CACNA1B: variants seen among roughly 807,000 people sequenced by gnomAD.
CACNA1B encodes voltage-dependent N-type calcium channel subunit alpha-1B.
Under a neutral mutation model 247.2 loss-of-function variants are expected in CACNA1B, and 70 were observed. The observed-to-expected ratio is 0.28, with a 90% CI of 0.23 to 0.35. The LOEUF (loss-of-function observed/expected upper bound fraction) is 0.35. CACNA1B is among the 10% of genes least tolerant of loss of function. CACNA1B has a pLI of 1.00. For synonymous variants in CACNA1B, 1,231 were observed against 1,294.4 expected, an observed-to-expected ratio of 0.95 and a Z score of 1.05; for missense variants, 2,367 against 3,197.4, an observed-to-expected ratio of 0.74 and a Z score of 6.26.
rs768216648 is a variant in CACNA1B, at chr9:138,068,633, T to TA, written c.4669-1124dup. On this transcript the variant is annotated intron_variant, in intron 31 of 46. Coordinates refer to ENST00000371372, the MANE Select transcript of CACNA1B (RefSeq NM_000718.4). ...GAAACAGAAATCTTTATTCATCAAATACAGTGATGGAAACATTGAGCTCCC... is the reference window on the plus strand; with the variant it reads ...GAAACAGAAATCTTTATTCATCAAATAACAGTGATGGAAACATTGAGCTCCC... 23 of 518,816 alleles carry TA rather than the reference T, an allele frequency of 4.4e-5. No individual in the cohort carries two copies. The East Asian group carries it at 9.3e-4, about 21-fold the overall frequency. The allele number at this position is 518,816 out of a possible 1,614,324, so 32.1% of individuals were successfully genotyped here.
chr9:137,956,699 G>C, intron 8 of CACNA1B, 72 bp from the exon 9 acceptor site: 1 of 1,259,084 alleles, frequency 7.9e-7, no homozygotes, highest in South Asian at 1.3e-5. Context: ...CTTCCAGACA[G>C]AGATGTGCCT....
Position 138,025,065 on chromosome 9 carries a change from A to G in CACNA1B, c.3179A>G (p.Asn1060Ser). ...GAGGAACAGCCAGAGGATGCAGACA[A>G]TCAGCGGAACGTCACTCGCATGGGC... ...KVEEQPEDAD[N>S]QRNVTRMGSQ... The change falls in exon 20 of 47, where the codon AAT (asparagine) becomes AGT (serine). Residue 1060 changes from asparagine to serine, a missense_variant. Physicochemically the swap from Asn to Ser is conservative, Grantham distance 46. Transcript: ENST00000371372. 6.2e-7 allele frequency: 1 copy of G among 1,612,748 alleles called. No homozygotes were observed. Among genetic ancestry groups the G allele is most frequent in the East Asian group, 2.2e-5 (1 of 44,844 alleles).
rs753876739 is a variant in CACNA1B, at chr9:138,121,959, G to A, written c.6980G>A (p.Arg2327Gln). The change falls in exon 47 of 47, where the codon CGG becomes CAG. Residue 2327 changes from arginine (R) to glutamine (Q), a missense_variant. Physicochemically the swap from Arg to Gln is conservative, Grantham distance 43. This residue lies in a region of CACNA1B where 773 missense variants were observed against 779.4 expected (regional missense o/e 0.99). Coordinates refer to ENST00000371372, the MANE Select transcript of CACNA1B (RefSeq NM_000718.4). The surrounding 1 kb of genome is among the most constrained non-coding windows in gnomAD (Gnocchi z 6.8). ...TLGLSSGGRA[R>Q]HSYHHPDQDH... The stretch of plus-strand genomic sequence containing the variant: ...GGACTCAGCTCGGGTGGCCGAGCAC[G>A]GCACAGCTACCACCACCCTGACCAA... 1.7e-5 allele frequency: 27 copies of A among 1,602,958 alleles called. No individual in the cohort carries two copies. Among genetic ancestry groups the A allele is most frequent in the Admixed American group, 3.3e-5 (2 of 60,014 alleles).
At chr9:138,053,738 C>A (rs949292984) in intron 25 of CACNA1B, 108 bp from the exon 26 acceptor site, 7 of 845,930 alleles carry the variant, frequency 8.3e-6, no homozygotes, top group Non-Finnish European at 1.4e-5. Context: ...GGCTTCACCC[C>A]CTCATCGTGG....
rs375440327 is a variant in CACNA1B at position 138,118,077 on chromosome 9, C to T, written c.5909C>T (p.Ala1970Val). ...GAGATCCCTGTGGGGCGGTCAGGAGCACTGGTGAGCACTCCCGGGGGCTAG... is the reference window on the plus strand; with the variant it reads ...GAGATCCCTGTGGGGCGGTCAGGAGTACTGGTGAGCACTCCCGGGGGCTAG... ...STEIPVGRSGALAVDVQMQSI... is the reference protein window; with the variant it reads ...STEIPVGRSGVLAVDVQMQSI... The change falls in exon 43 of 47, where the codon GCA becomes GTA. Residue 1970 changes from alanine to valine, a missense_variant. Physicochemically the swap from Ala to Val is moderately conservative, Grantham distance 64 (BLOSUM62 0). Transcript: ENST00000371372. The T allele has an allele frequency of 5.1e-6, 8 of 1,564,044 alleles. No homozygotes were observed. Among genetic ancestry groups the T allele is most frequent in the African/African-American group, 2.9e-5 (2 of 68,888 alleles).
At chr9:138,017,766 C>T (rs1958811603) in intron 18 of CACNA1B, among the ~76,000 whole-genome samples, 1 of 152,224 alleles carries the variant, frequency 6.6e-6, no homozygotes, top group Non-Finnish European at 1.5e-5. Flanking sequence ...CCAGGGTGGC[C>T]CTCCAGGGAG....
intron 15 of CACNA1B, among the ~76,000 whole-genome samples, chr9:137,987,289 C>T (rs886801621): frequency 6.6e-6 from 1 of 152,132 alleles, no homozygotes; most frequent in Admixed American, 6.5e-5. Context: ...AACTACCCCC[C>T]TCAGCTCCTC....
intron 21 of CACNA1B, among the ~76,000 whole-genome samples, chr9:138,044,831 C>G (rs1959169665): frequency 6.6e-6 from 1 of 152,254 alleles, no homozygotes; most frequent in Non-Finnish European, 1.5e-5. Context: ...TCCCTGCCTC[C>G]TCCCCCCAGT....
chr9:138,081,707 A>G (rs1044755049), intron 36 of CACNA1B, among the ~76,000 whole-genome samples: 1 of 151,210 alleles, frequency 6.6e-6, no homozygotes, highest in Non-Finnish European at 1.5e-5. Flanking sequence ...TATTATTACA[A>G]TGAAGAAATG....
chr9:138,013,233 C>T lies in CACNA1B; in HGVS notation c.2265C>T (p.Ala755=), dbSNP rs199522980. The T allele has an allele frequency of 5.6e-5, 89 of 1,587,334 alleles. No homozygotes were observed. Among genetic ancestry groups the T allele is most frequent in the East Asian group, 2.7e-4 (12 of 44,410 alleles). ...SPMSAANISI[A]ARQQNSAKAR... Reference sequence around the variant, plus strand: ...TGTCTGCCGCGAACATCTCCATCGCCGCGTAAGGCTCCTAGGAGTGGATTG... The same window carrying T: ...TGTCTGCCGCGAACATCTCCATCGCTGCGTAAGGCTCCTAGGAGTGGATTG... The change falls in exon 18 of 47, where the codon GCC becomes GCT. Residue 755 remains alanine (A), a splice_region_variant and synonymous_variant. Transcript: ENST00000371372.
intron 3 of CACNA1B, among the ~76,000 whole-genome samples, chr9:137,905,993 A>G (rs938536969): frequency 6.6e-6 from 1 of 152,174 alleles, no homozygotes; most frequent in African/African-American, 2.4e-5. Context: ...ATACTAGTGG[A>G]CTATGGCAAG....
At chr9:138,077,459 A>G (rs1036279712) in intron 35 of CACNA1B, among the ~76,000 whole-genome samples, 3 of 152,170 alleles carry the variant, frequency 2.0e-5, no homozygotes, top group Non-Finnish European at 4.4e-5. Flanking sequence ...CAGGTCCCAC[A>G]GTGCTATGGG....
chr9:138,056,813 T>C (rs1959516676), intron 26 of CACNA1B, among the ~76,000 whole-genome samples: 1 of 152,202 alleles, frequency 6.6e-6, no homozygotes, highest in South Asian at 2.1e-4. Context: ...TCGTGGTGGT[T>C]TTTATTTGCC....
chr9:137,968,487 C>T (rs1958107444), intron 10 of CACNA1B, among the ~76,000 whole-genome samples: 2 of 152,246 alleles, frequency 1.3e-5, no homozygotes, highest in South Asian at 4.1e-4. Flanking sequence ...GCGTGATGTG[C>T]ACGAGGGCCA....
chr9:137,879,013 C>T, intron 1 of CACNA1B, 41 bp from the exon 2 acceptor site: 1 of 1,355,470 alleles, frequency 7.4e-7, no homozygotes, highest in Non-Finnish European at 1.0e-6. Context: ...CTCGTGTTTC[C>T]CTCCGTGCGG....
At chr9:137,920,133 A>G (rs1957460884) in intron 6 of CACNA1B, among the ~76,000 whole-genome samples, 1 of 152,138 alleles carries the variant, frequency 6.6e-6, no homozygotes, top group Admixed American at 6.5e-5. Context: ...CAGGCCAGCC[A>G]GCGAGAGTGG....
chr9:138,050,180 C>T lies in CACNA1B; in HGVS notation c.3710+865C>T. ...TTCATCTCCAGCCTCACCCCCCGCC[C>T]ATCCACTTTCACCCCATCGGGGCTG... On this transcript the variant is annotated intron_variant, in intron 24 of 46. Coordinates refer to ENST00000371372, the MANE Select transcript of CACNA1B (RefSeq NM_000718.4). The surrounding 1 kb of genome is among the most constrained non-coding windows in gnomAD (Gnocchi z 5.2). 3.2e-6 allele frequency: 3 copies of T among 925,066 alleles called. No individual in the cohort carries two copies. The highest frequency in any genetic ancestry group is 4.6e-6 in the Non-Finnish European group (3 of 656,796). The allele number at this position is 925,066 out of a possible 1,614,324, so 57.3% of individuals were successfully genotyped here.
intron 6 of CACNA1B, among the ~76,000 whole-genome samples, chr9:137,943,605 G>A (rs897223807): frequency 3.3e-5 from 5 of 152,132 alleles, no homozygotes; most frequent in African/African-American, 9.7e-5. Context: ...TGACGAATGC[G>A]GGAATAAAGA....
intron 18 of CACNA1B, among the ~76,000 whole-genome samples, 190 bp from the exon 19 acceptor site, chr9:138,022,821 C>T (rs889792254): frequency 1.4e-5 from 2 of 141,694 alleles, no homozygotes; most frequent in African/African-American, 5.0e-5. Context: ...GGGGGGGCGG[C>T]GGGGCTGAAT....
Sources: gnomAD v4.1 joint callset for allele counts (sites outside exome capture counted in the v4.1 genomes callset) on GRCh38, gnomAD v4.1.1 for gene constraint, gnomAD v4.1.1 regional missense constraint, Gnocchi (gnomAD v3.1) non-coding constraint, MANE v1.5 for transcripts, NCBI Gene and HGNC (gene_info 2026-07-23, HGNC 2026-07-21) for gene names.